The following CENPP variants were observed in gnomAD, a reference collection of about 807,000 sequenced individuals.
CENPP encodes the protein centromere protein P.
Under a neutral mutation model 35.6 loss-of-function variants are expected in CENPP, and 24 were observed. The ratio of observed to expected loss-of-function variants is 0.67; its 90% CI spans 0.49 to 0.95. The LOEUF is 0.95. CENPP is among the 40% of genes least tolerant of loss of function. CENPP has a pLI of 0.00. For synonymous variants in CENPP, 120 were observed against 125.5 expected (o/e 0.96, Z 0.29); for missense variants, 332 against 345.3 (o/e 0.96, Z 0.31).
At chr9:92,381,526 G>A (rs1842244779) in intron 5 of CENPP, among the ~76,000 whole-genome samples, 1 of 152,048 alleles carries the variant, frequency 6.6e-6, no homozygotes, top group African/African-American at 2.4e-5. Context: ...TCAAGCAATT[G>A]ACCTATCTTG....
intron 5 of CENPP, among the ~76,000 whole-genome samples, chr9:92,480,867 A>T (rs1156730789): frequency 7.1e-6 from 1 of 141,732 alleles, no homozygotes; most frequent in Non-Finnish European, 1.5e-5. Flanking sequence ...TAGTCTTGTA[A>T]GCTAACAAAT....
chr9:92,517,749 G>A, intron 5 of CENPP: 1 of 1,614,162 alleles, frequency 6.2e-7, no homozygotes. Flanking sequence ...GCACCTCTGG[G>A]GATGGCACAT....
intron 5 of CENPP, among the ~76,000 whole-genome samples, chr9:92,401,574 C>T: frequency 6.6e-6 from 1 of 152,150 alleles, no homozygotes; most frequent in East Asian, 1.9e-4. Flanking sequence ...GTTTCTCATT[C>T]AGATTCTACC....
At chr9:92,424,884 C>A (rs756966256) in intron 5 of CENPP, among the ~76,000 whole-genome samples, 21 of 152,004 alleles carry the variant, frequency 1.4e-4, no homozygotes, top group Non-Finnish European at 2.5e-4. Flanking sequence ...CCATGTTGGC[C>A]AGGCTGGTCT....
At chr9:92,575,760 C>T (rs962362588) in intron 5 of CENPP, among the ~76,000 whole-genome samples, 1 of 151,378 alleles carries the variant, frequency 6.6e-6, no homozygotes, top group Non-Finnish European at 1.5e-5. Context: ...TGCAGTGAGC[C>T]GAGATTGCAC....
At chr9:92,600,324 T>G (rs1850878471) in intron 5 of CENPP, 27 of 1,505,480 alleles carry the variant, frequency 1.8e-5, no homozygotes, top group Non-Finnish European at 2.4e-5. Flanking sequence ...GCATTTGCTG[T>G]TTGTTTATTA....
intron 5 of CENPP, among the ~76,000 whole-genome samples, chr9:92,431,429 A>G (rs1844105938): frequency 6.6e-6 from 1 of 152,208 alleles, no homozygotes; most frequent in Non-Finnish European, 1.5e-5. Flanking sequence ...CAATTTGGTA[A>G]GTATTCAGTG....
rs148309510 is a variant in CENPP, at chr9:92,342,727, C to T, written c.379-2972C>T. ...GGGAGGGAAAAACAAAGGACTATCTCGTTTCTCTTTATTGCTTACAATTCT... is the reference window on the plus strand; with the variant it reads ...GGGAGGGAAAAACAAAGGACTATCTTGTTTCTCTTTATTGCTTACAATTCT... On this transcript the variant is annotated intron_variant, in intron 3 of 7. Transcript: ENST00000375587. Among the ~76,000 whole-genome samples, 343 of 152,312 alleles carry T rather than the reference C, an allele frequency of 2.3e-3. 4 individuals carry two copies. The highest frequency in any genetic ancestry group is 7.7e-3 in the African/African-American group (320 of 41,576).
chr9:92,406,419 C>T (rs1843310578), intron 5 of CENPP, among the ~76,000 whole-genome samples: 2 of 152,136 alleles, frequency 1.3e-5, no homozygotes, highest in Admixed American at 1.3e-4. Flanking sequence ...AAATATGATC[C>T]TGTTTGCATT....
rs1845722712 is a variant in CENPP at position 92,476,603 on chromosome 9, C to A, written c.564+96744C>A. Among the ~76,000 whole-genome samples, 2 of 152,282 alleles carry A rather than the reference C, an allele frequency of 1.3e-5. No individual in the cohort carries two copies. Among genetic ancestry groups the A allele is most frequent in the South Asian group, 4.2e-4 (2 of 4,818 alleles). On this transcript the variant is annotated intron_variant, in intron 5 of 7. Transcript: ENST00000375587. This position sits in a 1 kb window ranked among gnomAD's most constrained non-coding sequence, Gnocchi z 4.1. ...CTAACTTATGCTAGGAAGGAGGTTA[C>A]AGGACAGATCTGAGAATGGCAAGAG...
rs1208658836 is a variant in CENPP at position 92,593,693 on chromosome 9, C to T, written c.565-17621C>T. Among the ~76,000 whole-genome samples the T allele has an allele frequency of 2.0e-5, 3 of 152,152 alleles. No homozygotes were observed. The South Asian group carries it at 6.2e-4, about 32-fold the overall frequency. ...AAAGCGAACAGTGATTAGAGTTTGGCAGAGCTGGTTTATGTGGTCTGTGGC... is the reference window on the plus strand; with the variant it reads ...AAAGCGAACAGTGATTAGAGTTTGGTAGAGCTGGTTTATGTGGTCTGTGGC... On this transcript the variant is annotated intron_variant, in intron 5 of 7. Coordinates refer to ENST00000375587, the MANE Select transcript of CENPP (RefSeq NM_001012267.3). The surrounding 1 kb of genome is among the most constrained non-coding windows in gnomAD (Gnocchi z 4.1).
chr9:92,401,028 G>A, intron 5 of CENPP: 2 of 766,962 alleles, frequency 2.6e-6, no homozygotes, highest in Non-Finnish European at 2.2e-6. Context: ...ATTACCACAA[G>A]GAATAAAGTC....
intron 4 of CENPP, among the ~76,000 whole-genome samples, chr9:92,367,580 TA>T (rs1588064538): frequency 6.6e-6 from 1 of 152,166 alleles, no homozygotes; most frequent in East Asian, 1.9e-4. Flanking sequence ...TCTTCTCACC[TA>T]AAAAAATAAA....
intron 5 of CENPP, among the ~76,000 whole-genome samples, chr9:92,604,766 T>G (rs543983692): frequency 6.6e-6 from 1 of 152,046 alleles, no homozygotes; most frequent in South Asian, 2.1e-4. Flanking sequence ...AGCTAATTTT[T>G]GTATTATTAG....
intron 5 of CENPP, chr9:92,389,574 G>A (rs1842582737): frequency 4.1e-6 from 1 of 241,662 alleles, no homozygotes; most frequent in African/African-American, 2.2e-5. Flanking sequence ...GGCCAACCAT[G>A]TCTGTCTAAA....
At chr9:92,424,843 T>A (rs1843918974) in intron 5 of CENPP, among the ~76,000 whole-genome samples, 1 of 151,666 alleles carries the variant, frequency 6.6e-6, no homozygotes, top group South Asian at 2.1e-4. Flanking sequence ...CCTGGCTAAT[T>A]TCTTGTATTT....
At chr9:92,499,628 C>A (rs1022016298) in intron 5 of CENPP, among the ~76,000 whole-genome samples, 4 of 152,184 alleles carry the variant, frequency 2.6e-5, no homozygotes, top group Non-Finnish European at 5.9e-5. Flanking sequence ...GCATATGGCA[C>A]AACCTGTGAA....
At chr9:92,576,947 G>C (rs534551890) in intron 5 of CENPP, among the ~76,000 whole-genome samples, 1 of 152,246 alleles carries the variant, frequency 6.6e-6, no homozygotes, top group South Asian at 2.1e-4. Flanking sequence ...ACAAATGTAA[G>C]TGTTAAATCC....
intron 5 of CENPP, among the ~76,000 whole-genome samples, chr9:92,559,409 G>A (rs1849800348): frequency 6.6e-6 from 1 of 152,218 alleles, no homozygotes; most frequent in East Asian, 1.9e-4. Flanking sequence ...GTGGGGGTGT[G>A]TGTTTAGGAG....
Sources: gnomAD v4.1 joint callset for allele counts (sites outside exome capture counted in the v4.1 genomes callset) on GRCh38, gnomAD v4.1.1 for gene constraint, Gnocchi (gnomAD v3.1) non-coding constraint, MANE v1.5 for transcripts, NCBI Gene and HGNC (gene_info 2026-07-23, HGNC 2026-07-21) for gene names.